The following SEMA3D variants were observed in gnomAD, a reference collection of about 807,000 sequenced individuals.
SEMA3D encodes the protein semaphorin-3D.
Under a neutral mutation model 100.1 loss-of-function variants are expected in SEMA3D, and 84 were observed. The ratio of observed to expected loss-of-function variants is 0.84; its 90% CI spans 0.70 to 1.01. SEMA3D has a LOEUF of 1.01. SEMA3D is among the 50% of genes least tolerant of loss of function. The pLI, the probability that SEMA3D is intolerant of heterozygous loss-of-function variation, is 0.00. For missense variants in SEMA3D, 875 were observed against 934.1 expected, an observed-to-expected ratio of 0.94 and a Z score of 0.82; for synonymous variants, 312 against 320.7, an observed-to-expected ratio of 0.97 and a Z score of 0.29.
intron 9 of SEMA3D, among the ~76,000 whole-genome samples, chr7:85,048,945 G>A (rs1213622592): frequency 6.6e-6 from 1 of 151,684 alleles, no homozygotes; most frequent in Non-Finnish European, 1.5e-5. Context: ...AACATAAAGA[G>A]AAATTTATGG....
intron 10 of SEMA3D, 29 bp from the exon 11 acceptor site, chr7:85,040,771 T>C (rs373366643): frequency 1.4e-5 from 14 of 1,032,316 alleles, no homozygotes; most frequent in Admixed American, 5.5e-5. Flanking sequence ...AAATATTTAC[T>C]CTTATTTTTC....
intron 17 of SEMA3D, among the ~76,000 whole-genome samples, chr7:85,010,076 GATTA>G (rs1347940215): frequency 9.9e-5 from 15 of 151,876 alleles, no homozygotes; most frequent in African/African-American, 3.4e-4. Flanking sequence ...TTAACTATAA[GATTA>G]ATTGATATAA....
At chr7:85,097,549 T>A (rs1324506202) in intron 4 of SEMA3D, among the ~76,000 whole-genome samples, 1 of 151,888 alleles carries the variant, frequency 6.6e-6, no homozygotes, top group Non-Finnish European at 1.5e-5. Flanking sequence ...ATTAACTAAT[T>A]TTTTATGTTT....
At chr7:85,159,050 G>C (rs542276774) in intron 1 of SEMA3D, among the ~76,000 whole-genome samples, 2 of 152,160 alleles carry the variant, frequency 1.3e-5, no homozygotes, top group African/African-American at 4.8e-5. Flanking sequence ...TCAGCTACTG[G>C]TGGGACCCAA....
intron 11 of SEMA3D, among the ~76,000 whole-genome samples, chr7:85,040,393 G>A (rs564651328): frequency 1.3e-5 from 2 of 152,192 alleles, no homozygotes; most frequent in Admixed American, 6.5e-5. Context: ...ATATGCAACA[G>A]TAGGCATTTG....
the SEMA3D span, among the ~76,000 whole-genome samples, chr7:85,194,622 CAT>C: frequency 6.6e-6 from 1 of 152,080 alleles, no homozygotes; most frequent in African/African-American, 2.4e-5. Flanking sequence ...CCAATGGTAG[CAT>C]TTAAATTCAA....
At chr7:85,075,020 T>A (rs1282043831) in intron 5 of SEMA3D, among the ~76,000 whole-genome samples, 1 of 152,208 alleles carries the variant, frequency 6.6e-6, no homozygotes, top group Non-Finnish European at 1.5e-5. Context: ...ATTTTATTGA[T>A]GACCTCATGG....
At chr7:85,070,259 C>T (rs1237665914) in intron 6 of SEMA3D, among the ~76,000 whole-genome samples, 1 of 152,148 alleles carries the variant, frequency 6.6e-6, no homozygotes, top group Non-Finnish European at 1.5e-5. Context: ...ACTGAACATG[C>T]CACAAATGCA....
At chr7:85,173,644 G>C (rs893118545) in intron 1 of SEMA3D, among the ~76,000 whole-genome samples, 5 of 152,060 alleles carry the variant, frequency 3.3e-5, no homozygotes, top group African/African-American at 1.2e-4. Flanking sequence ...GTCTGTTTAA[G>C]AAAAAGAAAA....
At chr7:85,086,565 A>T (rs1476909187) in intron 4 of SEMA3D, among the ~76,000 whole-genome samples, 1 of 152,020 alleles carries the variant, frequency 6.6e-6, no homozygotes, top group Non-Finnish European at 1.5e-5. Flanking sequence ...TGTACAATAT[A>T]CGCACATATA....
At chr7:85,021,793 T>C (rs951632310) in intron 13 of SEMA3D, among the ~76,000 whole-genome samples, 1 of 151,872 alleles carries the variant, frequency 6.6e-6, no homozygotes, top group African/African-American at 2.4e-5. Context: ...TTTACTTTTT[T>C]TGAGATTAAG....
At chr7:85,142,836 T>C (rs1790096492) in intron 2 of SEMA3D, 1 of 985,012 alleles carries the variant, frequency 1.0e-6, no homozygotes, top group South Asian at 4.7e-5. Context: ...TCAAAATAAA[T>C]ACAACCCATC....
At chr7:85,077,176 C>A in intron 5 of SEMA3D, among the ~76,000 whole-genome samples, 1 of 146,392 alleles carries the variant, frequency 6.8e-6, no homozygotes, top group South Asian at 2.1e-4. Flanking sequence ...TAGAAAAACT[C>A]ATATATCACA....
intron 2 of SEMA3D, among the ~76,000 whole-genome samples, chr7:85,138,450 G>T (rs1328490271): frequency 6.6e-6 from 1 of 151,422 alleles, no homozygotes; most frequent in South Asian, 2.1e-4. Context: ...CACCATGCCT[G>T]GCTAATTTTT....
chr7:85,128,103 AT>A (rs1261978097), intron 2 of SEMA3D, among the ~76,000 whole-genome samples: 8 of 151,332 alleles, frequency 5.3e-5, no homozygotes, highest in Admixed American at 5.3e-4. Context: ...AAATTATTAT[AT>A]TTTCTTGGAA....
At chr7:85,113,486 C>T (rs751556217) in intron 3 of SEMA3D, among the ~76,000 whole-genome samples, 3 of 151,556 alleles carry the variant, frequency 2.0e-5, no homozygotes, top group Non-Finnish European at 4.4e-5. Flanking sequence ...AGAAATTCCT[C>T]AATGGGCCGG....
At chr7:85,215,113 CTTTCT>C in the SEMA3D span, among the ~76,000 whole-genome samples, 1 of 140,528 alleles carries the variant, frequency 7.1e-6, no homozygotes, top group Non-Finnish European at 1.5e-5. Context: ...TTCTTTCTTT[CTTTCT>C]TTTTTTTTTT....
At chr7:85,174,014 T>G (rs1410424051) in intron 1 of SEMA3D, among the ~76,000 whole-genome samples, 1 of 152,136 alleles carries the variant, frequency 6.6e-6, no homozygotes, top group Non-Finnish European at 1.5e-5. Flanking sequence ...TAATCTCAGG[T>G]GTCGAGCCAG....
At chr7:85,144,738 G>A (rs1790153638) in intron 2 of SEMA3D, 3 of 857,380 alleles carry the variant, frequency 3.5e-6, no homozygotes, top group African/African-American at 3.7e-5. Flanking sequence ...AGTATGATAT[G>A]TCTGAATGGT....
Sources: gnomAD v4.1 joint callset for allele counts (sites outside exome capture counted in the v4.1 genomes callset) on GRCh38, gnomAD v4.1.1 for gene constraint, MANE v1.5 for transcripts, NCBI Gene and HGNC (gene_info 2026-07-23, HGNC 2026-07-21) for gene names.